PALLD: variants seen among roughly 807,000 people sequenced by gnomAD.
PALLD encodes the protein palladin.
Under a neutral mutation model 123.5 loss-of-function variants are expected in PALLD, and 61 were observed. The ratio of observed to expected loss-of-function variants is 0.49; its 90% CI spans 0.40 to 0.61. The LOEUF is 0.61. Ranked by LOEUF, PALLD falls within the 20% of genes least tolerant of loss-of-function variation. The probability of loss-of-function intolerance (pLI) is 0.00; values close to 1 mark genes in which losing one functional copy is unlikely to be tolerated. For missense variants in PALLD, 1,273 were observed against 1,377.0 expected, an observed-to-expected ratio of 0.92 and a Z score of 1.20; for synonymous variants, 465 against 496.4, an observed-to-expected ratio of 0.94 and a Z score of 0.84.
intron 2 of PALLD, among the ~76,000 whole-genome samples, chr4:168,588,222 A>G (rs540151699): frequency 6.6e-6 from 1 of 152,070 alleles, no homozygotes; most frequent in Non-Finnish European, 1.5e-5. Context: ...ATGGATTTGT[A>G]AAAAATTCCT....
chr4:168,718,367 G>A (rs1785574499), intron 10 of PALLD, among the ~76,000 whole-genome samples: 1 of 152,106 alleles, frequency 6.6e-6, no homozygotes, highest in African/African-American at 2.4e-5. Context: ...CTAACAAAGG[G>A]TCAAGGAAAT....
At chr4:168,860,732 G>A (rs1749340651) in intron 10 of PALLD, among the ~76,000 whole-genome samples, 1 of 152,200 alleles carries the variant, frequency 6.6e-6, no homozygotes, top group South Asian at 2.1e-4. Context: ...TGAGGCACAA[G>A]AATCACTTGA....
intron 10 of PALLD, among the ~76,000 whole-genome samples, chr4:168,829,675 G>T (rs748356455): frequency 2.0e-5 from 3 of 152,212 alleles, no homozygotes; most frequent in Non-Finnish European, 4.4e-5. Context: ...AAACCCTGCT[G>T]CAGGCCACGT....
At chr4:168,813,048 A>G (rs1255899528) in intron 10 of PALLD, among the ~76,000 whole-genome samples, 2 of 152,030 alleles carry the variant, frequency 1.3e-5, no homozygotes, top group Non-Finnish European at 2.9e-5. Flanking sequence ...AGAAGGGCTC[A>G]GTGTCCCTGT....
chr4:168,766,223 C>A (rs1733643087), intron 10 of PALLD, among the ~76,000 whole-genome samples: 1 of 152,152 alleles, frequency 6.6e-6, no homozygotes, highest in Admixed American at 6.5e-5. Flanking sequence ...AAGTTTTTTC[C>A]ACCTTTTTTG....
intron 2 of PALLD, among the ~76,000 whole-genome samples, chr4:168,666,791 G>A (rs1291606598): frequency 6.6e-6 from 1 of 152,084 alleles, no homozygotes; most frequent in Non-Finnish European, 1.5e-5. Context: ...AAACACTAAA[G>A]CCACAGTTAA....
At chr4:168,729,775 AGCTTCTAGACCCT>A (rs1251638480) in intron 10 of PALLD, among the ~76,000 whole-genome samples, 1 of 152,222 alleles carries the variant, frequency 6.6e-6, no homozygotes, top group African/African-American at 2.4e-5. Flanking sequence ...GACCACATTA[AGCTTCTAGACCCT>A]GCTTGTCTGA....
chr4:168,880,426 CTCAG>C (rs756344834), intron 10 of PALLD, among the ~76,000 whole-genome samples: 1 of 152,176 alleles, frequency 6.6e-6, no homozygotes, highest in Non-Finnish European at 1.5e-5. Flanking sequence ...TCCATGCCTG[CTCAG>C]TAAGCCATTA....
intron 2 of PALLD, among the ~76,000 whole-genome samples, chr4:168,635,836 A>G (rs565032337): frequency 6.6e-6 from 1 of 152,216 alleles, no homozygotes; most frequent in Non-Finnish European, 1.5e-5. Flanking sequence ...AAAGGAAAAC[A>G]TGTGGAGACC....
chr4:168,781,289 T>C (rs1735887439), intron 10 of PALLD, among the ~76,000 whole-genome samples: 1 of 152,200 alleles, frequency 6.6e-6, no homozygotes, highest in African/African-American at 2.4e-5. Flanking sequence ...GAAGATTTAC[T>C]GAGGTTTTGG....
At chr4:168,497,897 C>T (rs1394721558) in intron 1 of PALLD, among the ~76,000 whole-genome samples, 1 of 152,116 alleles carries the variant, frequency 6.6e-6, no homozygotes, top group Non-Finnish European at 1.5e-5. Context: ...AGGAGGTTGA[C>T]ATAAAATGAT....
chr4:168,615,099 C>T (rs895170485), intron 2 of PALLD, among the ~76,000 whole-genome samples: 1 of 151,232 alleles, frequency 6.6e-6, no homozygotes, highest in Non-Finnish European at 1.5e-5. Context: ...GGGTTTAGCT[C>T]ATATTTCTTG....
intron 10 of PALLD, among the ~76,000 whole-genome samples, chr4:168,716,663 C>A (rs1785396387): frequency 6.6e-6 from 1 of 152,102 alleles, no homozygotes; most frequent in Non-Finnish European, 1.5e-5. Context: ...TCATATTGAG[C>A]TGTTAGGGAT....
At chr4:168,587,689 A>G (rs1770975234) in intron 2 of PALLD, among the ~76,000 whole-genome samples, 1 of 151,938 alleles carries the variant, frequency 6.6e-6, no homozygotes, top group Admixed American at 6.6e-5. Flanking sequence ...TGCTGTAGCA[A>G]TTCCCTAACC....
At chr4:168,621,121 A>T (rs1170038281) in intron 2 of PALLD, among the ~76,000 whole-genome samples, 1 of 152,238 alleles carries the variant, frequency 6.6e-6, no homozygotes, top group Non-Finnish European at 1.5e-5. Context: ...CAATTGTTTC[A>T]AATGACTATA....
chr4:168,726,619 G>GCGATC (rs1033396749), intron 10 of PALLD, among the ~76,000 whole-genome samples: 1 of 151,966 alleles, frequency 6.6e-6, no homozygotes, highest in African/African-American at 2.4e-5. Context: ...CTGGCTTCAA[G>GCGATC]CGATCCTCTA....
chr4:168,776,918 A>G (rs1735241067), intron 10 of PALLD, among the ~76,000 whole-genome samples: 1 of 152,176 alleles, frequency 6.6e-6, no homozygotes, highest in Admixed American at 6.5e-5. Context: ...AGTACACTTG[A>G]TAATTTGGGA....
chr4:168,510,512 A>G (rs1029346716), intron 1 of PALLD, among the ~76,000 whole-genome samples: 1 of 152,166 alleles, frequency 6.6e-6, no homozygotes, highest in Admixed American at 6.5e-5. Context: ...CTCCTTGAAC[A>G]TGATAACTGT....
chr4:168,905,453 C>T (rs1757523779), intron 15 of PALLD, among the ~76,000 whole-genome samples: 2 of 151,756 alleles, frequency 1.3e-5, no homozygotes, highest in Admixed American at 6.6e-5. Context: ...CGGCCTGAGA[C>T]TCTGTTTCTA....
Sources: gnomAD v4.1 joint callset for allele counts (sites outside exome capture counted in the v4.1 genomes callset) on GRCh38, gnomAD v4.1.1 for gene constraint, MANE v1.5 for transcripts, NCBI Gene and HGNC (gene_info 2026-07-23, HGNC 2026-07-21) for gene names.